ZNF777: variants seen among roughly 807,000 people sequenced by gnomAD.
The protein encoded by ZNF777 is zinc finger protein 777.
ZNF777 carries 7 observed loss-of-function variants against 72.1 expected under a neutral mutation model. That is an observed-to-expected ratio of 0.10 (90% CI 0.06 to 0.18). The LOEUF (loss-of-function observed/expected upper bound fraction) is 0.18. Among genes scored for constraint, ZNF777 ranks in the 10% least tolerant of loss-of-function variants. The probability of loss-of-function intolerance (pLI) is 1.00; values close to 1 mark genes in which losing one functional copy is unlikely to be tolerated. For synonymous variants in ZNF777, 545 were observed against 483.5 expected, an observed-to-expected ratio of 1.13 and a Z score of -1.67; for missense variants, 828 against 1,128.6, an observed-to-expected ratio of 0.73 and a Z score of 3.82.
intron 3 of ZNF777, among the ~76,000 whole-genome samples, 191 bp from the exon 4 acceptor site, chr7:149,451,303 C>T (rs1450652194): frequency 6.6e-6 from 1 of 151,616 alleles, no homozygotes; most frequent in Admixed American, 6.6e-5. Flanking sequence ...GTGTGTGTGG[C>T]GGGGGGTAGA....
chr7:149,432,550 G>A lies in ZNF777; in HGVS notation c.1722C>T (p.Tyr574=), dbSNP rs765038225. The A allele has an allele frequency of 6.2e-6, 10 of 1,613,780 alleles. No homozygotes were observed. The East Asian group carries it at 1.1e-4, about 18-fold the overall frequency. The change falls in exon 6 of 6, where the codon TAC becomes TAT. Residue 574 remains tyrosine, a synonymous_variant. Coordinates refer to ENST00000247930, the MANE Select transcript of ZNF777 (RefSeq NM_015694.3). ...HQRNHIKEGP[Y]ECAECEISFR... ...AGCTGATCTCGCATTCGGCGCACTC[G>A]TAGGGCCCCTCCTTGATGTGGTTGC...
At position 149,460,099 on chromosome 7, in the gene ZNF777, C is replaced by A; in HGVS notation, c.-16+716G>T. The A allele has an allele frequency of 2.0e-6, 2 of 980,644 alleles. No individual in the cohort carries two copies. The highest frequency in any genetic ancestry group is 2.4e-6 in the Non-Finnish European group (2 of 828,032). 60.7% of individuals were successfully genotyped at this position (980,644 alleles called of 1,614,324 possible). On this transcript the variant is annotated intron_variant, in intron 1 of 5. Transcript: ENST00000247930. This position sits in a 1 kb window ranked among gnomAD's most constrained non-coding sequence, Gnocchi z 6.1. ...CCCCGGGGCCCCGAGGCCGCGCGTC[C>A]GTGCGCGCGCGGGCCGCCCTCACAG...
chr7:149,448,597 A>ATATATATATAAC (rs1417782889), intron 4 of ZNF777, among the ~76,000 whole-genome samples: 7 of 144,054 alleles, frequency 4.9e-5, no homozygotes, highest in Non-Finnish European at 9.0e-5. Flanking sequence ...ATATATATAT[A>ATATATATATAAC]TATATATATA....
chr7:149,460,310 G>C lies in ZNF777; in HGVS notation c.-16+505C>G, dbSNP rs1799924730. The stretch of plus-strand genomic sequence containing the variant: ...GGCTCGCGCGCGGCCGTCGGGCCCC[G>C]GCCTGCTCGGGGCGCGCGGGGCGAG... On this transcript the variant is annotated intron_variant, in intron 1 of 5. Coordinates refer to ENST00000247930, the MANE Select transcript of ZNF777 (RefSeq NM_015694.3). This position sits in a 1 kb window ranked among gnomAD's most constrained non-coding sequence, Gnocchi z 6.1. 6.9e-6 allele frequency among the ~76,000 whole-genome samples: 1 copy of C among 145,876 alleles called. No homozygotes were observed. The highest frequency in any genetic ancestry group is 2.5e-5 in the African/African-American group (1 of 40,752).
intron 4 of ZNF777, 59 bp downstream of exon 4, chr7:149,450,940 G>T: frequency 1.4e-6 from 2 of 1,473,638 alleles, no homozygotes; most frequent in Non-Finnish European, 9.4e-7. Context: ...TCATGCTGGC[G>T]CTTCCTGAGT....
At chr7:149,448,991 G>A (rs902082414) in intron 4 of ZNF777, among the ~76,000 whole-genome samples, 1 of 152,188 alleles carries the variant, frequency 6.6e-6, no homozygotes, top group Non-Finnish European at 1.5e-5. Context: ...TCAATTTTCT[G>A]GACTTTTACC....
chr7:149,454,137 C>G lies in ZNF777; in HGVS notation c.947G>C (p.Gly316Ala), dbSNP rs1246259953. The G allele has an allele frequency of 1.2e-6, 2 of 1,614,216 alleles. No individual in the cohort carries two copies. Among genetic ancestry groups the G allele is most frequent in the Non-Finnish European group, 8.5e-7 (1 of 1,180,038 alleles). Residue 316 changes from glycine to alanine, a missense_variant, in exon 3 of 6, where the codon GGC becomes GCC. Coordinates refer to ENST00000247930, the MANE Select transcript of ZNF777 (RefSeq NM_015694.3). ...QKELYKNVMR[G>A]NYESLVSMDY... ...CATGGAAACCAGGGACTCGTAGTTGCCCCTCATCACGTTCTTGTAGAGCTC... is the reference window on the plus strand; with the variant it reads ...CATGGAAACCAGGGACTCGTAGTTGGCCCTCATCACGTTCTTGTAGAGCTC...
intron 5 of ZNF777, among the ~76,000 whole-genome samples, chr7:149,434,692 C>T (rs886474973): frequency 1.2e-4 from 19 of 152,108 alleles, no homozygotes; most frequent in Non-Finnish European, 2.4e-4. Flanking sequence ...AAGCGATTCT[C>T]GTGCCTCAGC....
chr7:149,455,994 GAC>G lies in ZNF777; in HGVS notation c.27_28del (p.Ser10ValfsTer78). Reference sequence around the variant, plus strand: ...TTCTTCTTGTGGAACACTGGGGAACGACAGAGGTGATGAGCGTTGGTTCTCCA... The same window carrying G: ...TTCTTCTTGTGGAACACTGGGGAACGAGAGGTGATGAGCGTTGGTTCTCCA... On this transcript the variant is annotated frameshift_variant, in exon 2 of 6. Coordinates refer to ENST00000247930, the MANE Select transcript of ZNF777 (RefSeq NM_015694.3). LOFTEE classifies it high-confidence loss of function. This position sits in a 1 kb window ranked among gnomAD's most constrained non-coding sequence, Gnocchi z 4.2. The G allele has an allele frequency of 6.2e-7, 1 of 1,602,706 alleles. No homozygotes were observed. Among genetic ancestry groups the G allele is most frequent in the Non-Finnish European group, 8.5e-7 (1 of 1,174,132 alleles).
Position 149,455,204 on chromosome 7 carries a change from G to A in ZNF777, c.819C>T (p.Pro273=), listed in dbSNP as rs761457375. The A allele has an allele frequency of 3.1e-6, 5 of 1,613,374 alleles. No individual in the cohort carries two copies. In the African/African-American group the frequency reaches 6.7e-5, roughly 22 times the overall value. The change falls in exon 2 of 6, where the codon CCC becomes CCT. Residue 273 remains proline (P), a synonymous_variant. Transcript: ENST00000247930. The surrounding 1 kb of genome is among the most constrained non-coding windows in gnomAD (Gnocchi z 4.2). ...KNRNFWILRL[P]PGSNGEVPKV... Reference sequence around the variant, plus strand: ...TGGGAACTTCTCCATTGCTGCCGGGGGGCAGCCGCAGGATCCAGAAATTTC... The same window carrying A: ...TGGGAACTTCTCCATTGCTGCCGGGAGGCAGCCGCAGGATCCAGAAATTTC...
At chr7:149,444,747 A>G (rs1026766643) in intron 4 of ZNF777, among the ~76,000 whole-genome samples, 1 of 152,200 alleles carries the variant, frequency 6.6e-6, no homozygotes, top group Non-Finnish European at 1.5e-5. Context: ...CAAATGTCTG[A>G]GGCCATTCTA....
chr7:149,437,979 A>G (rs1057066006), intron 4 of ZNF777, among the ~76,000 whole-genome samples: 4 of 151,648 alleles, frequency 2.6e-5, no homozygotes, highest in Non-Finnish European at 4.4e-5. Flanking sequence ...TCCCAACTTC[A>G]AGCGATTCTC....
intron 5 of ZNF777, 61 bp from the exon 6 acceptor site, chr7:149,432,993 G>A: frequency 2.1e-6 from 3 of 1,446,294 alleles, no homozygotes; most frequent in Non-Finnish European, 2.7e-6. Context: ...AACCTACCTG[G>A]ATGGAGGTAC....
In ZNF777 at chr7:149,431,929, G is replaced by A. The variant is rs1201683226; in HGVS notation, c.2343C>T (p.Ala781=). ...IHTGERPYHC[A]ECGKRFTQKH... ...TCTGCGTGAAGCGCTTGCCGCACTCGGCGCAGTGGTAGGGCCGCTCGCCTG... is the reference window on the plus strand; with the variant it reads ...TCTGCGTGAAGCGCTTGCCGCACTCAGCGCAGTGGTAGGGCCGCTCGCCTG... The change falls in exon 6 of 6, where the codon GCC becomes GCT. Residue 781 remains alanine (A), a synonymous_variant. Coordinates refer to ENST00000247930, the MANE Select transcript of ZNF777 (RefSeq NM_015694.3). 4 of 1,610,040 alleles carry A rather than the reference G, an allele frequency of 2.5e-6. No homozygotes were observed. The highest frequency in any genetic ancestry group is 3.4e-6 in the Non-Finnish European group (4 of 1,179,436).
intron 1 of ZNF777, among the ~76,000 whole-genome samples, chr7:149,457,403 T>G (rs1799853824): frequency 6.6e-6 from 1 of 152,206 alleles, no homozygotes; most frequent in African/African-American, 2.4e-5. Flanking sequence ...AATTTCAATT[T>G]TCTTCCGTTG....
At chr7:149,450,936 T>G in intron 4 of ZNF777, 63 bp downstream of exon 4, 1 of 1,454,012 alleles carries the variant, frequency 6.9e-7, no homozygotes, top group South Asian at 1.2e-5. Flanking sequence ...TGCCTCATGC[T>G]GGCGCTTCCT....
intron 4 of ZNF777, among the ~76,000 whole-genome samples, chr7:149,444,061 A>C (rs796248651): frequency 2.6e-5 from 4 of 152,198 alleles, no homozygotes; most frequent in African/African-American, 9.6e-5. Flanking sequence ...AGCATCATCC[A>C]TTGACTTCCA....
chr7:149,457,964 C>G (rs1248040669), intron 1 of ZNF777, among the ~76,000 whole-genome samples: 1 of 152,226 alleles, frequency 6.6e-6, no homozygotes, highest in Admixed American at 6.5e-5. Context: ...GAGGCCTTAA[C>G]TGTCAACTGA....
At position 149,431,700 on chromosome 7, in the gene ZNF777, T is replaced by C; in HGVS notation, c.*76A>G. On this transcript the variant is annotated 3_prime_UTR_variant, in exon 6 of 6. Coordinates refer to ENST00000247930, the MANE Select transcript of ZNF777 (RefSeq NM_015694.3). ...TGGGGGGCGCCCCGCCCCCGCCCGC[T>C]GGGCTCGGGCCTGGCGGTGTCCGAG... 8.6e-7 allele frequency: 1 copy of C among 1,166,814 alleles called. No homozygotes were observed. Among genetic ancestry groups the C allele is most frequent in the East Asian group, 7.9e-5 (1 of 12,654 alleles). 72.3% of individuals were successfully genotyped at this position (1,166,814 alleles called of 1,614,324 possible).
Sources: allele counts gnomAD v4.1 joint callset (sites outside exome capture counted in the v4.1 genomes callset), GRCh38; gene constraint gnomAD v4.1.1; non-coding constraint Gnocchi (gnomAD v3.1); transcripts MANE v1.5; gene names NCBI Gene and HGNC (gene_info 2026-07-23, HGNC 2026-07-21).